ARHGEF28: variants seen among roughly 807,000 people sequenced by gnomAD.
ARHGEF28 encodes the protein Rho guanine nucleotide exchange factor 28.
Under a neutral mutation model 206.6 loss-of-function variants are expected in ARHGEF28, and 152 were observed. The ratio of observed to expected loss-of-function variants is 0.74; its 90% CI spans 0.64 to 0.84. The LOEUF is 0.84. ARHGEF28 is among the 40% of genes least tolerant of loss of function. The pLI, the probability that ARHGEF28 is intolerant of heterozygous loss-of-function variation, is 0.00. For synonymous variants in ARHGEF28, 763 were observed against 776.4 expected (o/e 0.98, Z 0.29); for missense variants, 2,028 against 2,073.2 (o/e 0.98, Z 0.42).
At chr5:73,935,545 A>G (rs1267247961) in intron 35 of ARHGEF28, among the ~76,000 whole-genome samples, 1 of 152,200 alleles carries the variant, frequency 6.6e-6, no homozygotes, top group Non-Finnish European at 1.5e-5. Flanking sequence ...AGAAGAAAAA[A>G]TGTTGTGCAT....
Position 73,883,865 on chromosome 5 carries a change from G to T in ARHGEF28, c.3036G>T (p.Arg1012Ser). The change falls in exon 24 of 36, where the codon AGG becomes AGT. Residue 1012 changes from arginine (R) to serine (S), a missense_variant. Around this residue, in one of 3 missense-constraint regions of ARHGEF28, gnomAD observed 223 missense variants for 289.9 expected, o/e 0.77. Coordinates refer to ENST00000513042, the MANE Select transcript of ARHGEF28 (RefSeq NM_001177693.2). ...CAAAATACCCTGTCTTGGTGGAAAG[G>T]ATATTGCAGTACACAAAGGGTAAGT... Reference protein sequence around the residue: ...RITKYPVLVERILQYTKERTE... With the variant: ...RITKYPVLVESILQYTKERTE... The T allele has an allele frequency of 6.4e-7, 1 of 1,557,520 alleles. No homozygotes were observed. The highest frequency in any genetic ancestry group is 8.7e-7 in the Non-Finnish European group (1 of 1,150,910).
At chr5:73,732,411 T>C (rs144102051) in intron 2 of ARHGEF28, among the ~76,000 whole-genome samples, 324 of 152,294 alleles carry the variant, frequency 2.1e-3, no homozygotes, top group Non-Finnish European at 3.5e-3. Flanking sequence ...GCTCATTTCT[T>C]TTTAATGCTG....
At chr5:73,829,414 T>A (rs1315701943) in intron 9 of ARHGEF28, among the ~76,000 whole-genome samples, 1 of 152,210 alleles carries the variant, frequency 6.6e-6, no homozygotes, top group African/African-American at 2.4e-5. Context: ...GGAATCTCAC[T>A]CTGTCGCCAA....
chr5:73,750,929 A>G (rs1419980770), intron 3 of ARHGEF28, among the ~76,000 whole-genome samples: 1 of 152,234 alleles, frequency 6.6e-6, no homozygotes, highest in African/African-American at 2.4e-5. Flanking sequence ...GAAAGAAGGT[A>G]GCCAGTGAAC....
chr5:73,829,211 T>C (rs1757133854), intron 9 of ARHGEF28, among the ~76,000 whole-genome samples: 2 of 152,344 alleles, frequency 1.3e-5, no homozygotes, highest in South Asian at 4.1e-4. Flanking sequence ...CATTGAATCA[T>C]AGAGTCATGC....
intron 1 of ARHGEF28, among the ~76,000 whole-genome samples, chr5:73,666,113 C>A (rs1232462488): frequency 1.3e-5 from 2 of 152,146 alleles, no homozygotes; most frequent in African/African-American, 4.8e-5. Flanking sequence ...GATAGACATT[C>A]CCTTTCCAAG....
At chr5:73,845,011 A>ATTT (rs70973277) in intron 11 of ARHGEF28, among the ~76,000 whole-genome samples, 361 of 99,278 alleles carry the variant, frequency 3.6e-3, no homozygotes, top group Middle Eastern at 0.016. Flanking sequence ...CAAAGGAATC[A>ATTT]TTTTTTTTTT....
chr5:73,794,651 G>C (rs932490632), intron 8 of ARHGEF28, among the ~76,000 whole-genome samples, 197 bp downstream of exon 8: 2 of 147,904 alleles, frequency 1.4e-5, no homozygotes, highest in East Asian at 2.0e-4. Context: ...CTGTCACCCA[G>C]GCTGGAGTAC....
intron 9 of ARHGEF28, among the ~76,000 whole-genome samples, chr5:73,804,294 T>G (rs1755314651): frequency 6.6e-6 from 1 of 152,068 alleles, no homozygotes; most frequent in Non-Finnish European, 1.5e-5. Context: ...ATTAACCCCA[T>G]GGAGACACTG....
chr5:73,769,270 A>G (rs1001282819), intron 4 of ARHGEF28, among the ~76,000 whole-genome samples: 1 of 152,150 alleles, frequency 6.6e-6, no homozygotes, highest in South Asian at 2.1e-4. Context: ...ACTCATACCA[A>G]TGGACCTCAG....
chr5:73,884,738 G>A (rs1761154465), intron 24 of ARHGEF28, among the ~76,000 whole-genome samples: 1 of 145,804 alleles, frequency 6.9e-6, no homozygotes, highest in African/African-American at 2.6e-5. Context: ...AGTTCCAGTT[G>A]CCTTAATAAA....
chr5:73,712,509 T>C (rs576490482), intron 2 of ARHGEF28, among the ~76,000 whole-genome samples: 6 of 152,312 alleles, frequency 3.9e-5, no homozygotes, highest in African/African-American at 1.2e-4. Flanking sequence ...CCTACAGTGC[T>C]AGCACCAGTG....
chr5:73,715,318 C>T (rs2112317350), intron 2 of ARHGEF28, among the ~76,000 whole-genome samples: 1 of 152,280 alleles, frequency 6.6e-6, no homozygotes. Context: ...CCTGCCACTA[C>T]CATGAATAAG....
intron 14 of ARHGEF28, among the ~76,000 whole-genome samples, chr5:73,855,740 A>G (rs1758986821): frequency 1.3e-5 from 2 of 152,196 alleles, no homozygotes; most frequent in African/African-American, 4.8e-5. Flanking sequence ...CTCAAAAAAA[A>G]AAAAAAGTTA....
At chr5:73,870,939 C>A (rs1469937769) in intron 21 of ARHGEF28, among the ~76,000 whole-genome samples, 1 of 152,128 alleles carries the variant, frequency 6.6e-6, no homozygotes, top group Non-Finnish European at 1.5e-5. Flanking sequence ...ACATGGGCCC[C>A]AAAGTCCACG....
chr5:73,668,693 G>A (rs1328445992), intron 1 of ARHGEF28, among the ~76,000 whole-genome samples: 1 of 145,776 alleles, frequency 6.9e-6, no homozygotes, highest in East Asian at 2.0e-4. Flanking sequence ...GCCTGAAAAT[G>A]CAGACAAAAG....
At chr5:73,642,330 G>C (rs1045525471) in intron 1 of ARHGEF28, among the ~76,000 whole-genome samples, 1 of 152,086 alleles carries the variant, frequency 6.6e-6, no homozygotes, top group African/African-American at 2.4e-5. Context: ...TGTAAAACAG[G>C]GTTTTGTTTT....
intron 2 of ARHGEF28, among the ~76,000 whole-genome samples, chr5:73,704,576 C>T (rs1214062074): frequency 1.3e-5 from 2 of 152,002 alleles, no homozygotes; most frequent in Non-Finnish European, 2.9e-5. Flanking sequence ...AGGTGTGTGC[C>T]ACCACACCTG....
At chr5:73,873,352 A>G (rs1580017236) in intron 22 of ARHGEF28, 106 bp downstream of exon 22, 2 of 1,355,368 alleles carry the variant, frequency 1.5e-6, no homozygotes, top group Middle Eastern at 1.9e-4. Flanking sequence ...TGAAACATTC[A>G]TAGTGACATT....
Sources: gnomAD v4.1 joint callset for allele counts (sites outside exome capture counted in the v4.1 genomes callset) on GRCh38, gnomAD v4.1.1 for gene constraint, gnomAD v4.1.1 regional missense constraint, MANE v1.5 for transcripts, NCBI Gene and HGNC (gene_info 2026-07-23, HGNC 2026-07-21) for gene names.